VIPR2: variants seen among roughly 807,000 people sequenced by gnomAD.
VIPR2 encodes vasoactive intestinal polypeptide receptor 2.
In VIPR2, 48 loss-of-function variants were observed where a neutral mutation model predicts 58.0. That is an observed-to-expected ratio of 0.83 (90% CI 0.66 to 1.05). VIPR2 has a LOEUF of 1.05. Among genes scored for constraint, VIPR2 ranks in the 50% least tolerant of loss-of-function variants. The pLI, the probability that VIPR2 is intolerant of heterozygous loss-of-function variation, is 0.00. For missense variants in VIPR2, 534 were observed against 558.0 expected (o/e 0.96, Z 0.43); for synonymous variants, 243 against 235.2 (o/e 1.03, Z -0.30).
intron 6 of VIPR2, 143 bp from the exon 7 acceptor site, chr7:159,037,045 T>A: frequency 3.0e-6 from 3 of 1,011,982 alleles, no homozygotes; most frequent in Non-Finnish European, 4.3e-6. Flanking sequence ...GGAAAGTGAT[T>A]AACACAGAGG....
Position 159,135,247 on chromosome 7 carries a change from A to G in VIPR2, c.151+7199T>C, listed in dbSNP as rs1330625354. On this transcript the variant is annotated intron_variant, in intron 2 of 12. Transcript: ENST00000262178. Reference sequence around the variant, plus strand: ...GGAGTTCAAGACCAGCCTGGCCAACATAGTGAAACCCTGTCTCTACCAAAA... The same window carrying G: ...GGAGTTCAAGACCAGCCTGGCCAACGTAGTGAAACCCTGTCTCTACCAAAA... Among the ~76,000 whole-genome samples, 4 of 151,654 alleles carry G rather than the reference A, an allele frequency of 2.6e-5. No individual in the cohort carries two copies. In the East Asian group the frequency reaches 5.9e-4, roughly 22 times the overall value.
chr7:159,058,351 C>T (rs1351334444), intron 5 of VIPR2, 130 bp downstream of exon 5: 3 of 709,512 alleles, frequency 4.2e-6, no homozygotes, highest in Non-Finnish European at 7.5e-6. Context: ...TATTTAATGG[C>T]AGCATTCTCC....
intron 2 of VIPR2, chr7:159,117,084 G>A: frequency 2.0e-6 from 1 of 501,670 alleles, no homozygotes; most frequent in Non-Finnish European, 3.5e-6. Flanking sequence ...AAGAAGGCGA[G>A]AGCCCCTGTC....
rs79432442 is a variant in VIPR2 at position 159,083,664 on chromosome 7, C to T, written c.357+20093G>A. Among the ~76,000 whole-genome samples, 925 of 152,334 alleles carry T rather than the reference C, an allele frequency of 6.1e-3. 10 individuals carry two copies. Among genetic ancestry groups the T allele is most frequent in the Middle Eastern group, 0.031 (9 of 294 alleles). On this transcript the variant is annotated intron_variant, in intron 4 of 12. Coordinates refer to ENST00000262178, the MANE Select transcript of VIPR2 (RefSeq NM_003382.5). ...GCAATCATGCACAGCCCCGTTCTCT[C>T]GAGAGAGGCCAGGTCTGGTGGACAC...
Position 159,103,906 on chromosome 7 carries a change from T to C in VIPR2, c.260-52A>G, listed in dbSNP as rs753242727. The stretch of plus-strand genomic sequence containing the variant: ...TCTGCAAGTCCATGAAAACTGGCCT[T>C]AGAAGGGACCTTAGTCCGTGCTGAG... On this transcript the variant is annotated intron_variant, in intron 3 of 12. Coordinates refer to ENST00000262178, the MANE Select transcript of VIPR2 (RefSeq NM_003382.5). 2.0e-6 allele frequency: 3 copies of C among 1,506,256 alleles called. No homozygotes were observed. In the South Asian group the frequency reaches 3.4e-5, roughly 17 times the overall value. 93.3% of individuals were successfully genotyped at this position (1,506,256 alleles called of 1,614,324 possible).
rs752596589 is a variant in VIPR2, at chr7:159,030,817, C to A, written c.1144-28G>T. ...GGGAGGTGAGGGCAGCGGGAACGCCCGTGAGCCTGGGCAGGTGCGGGCGGC... is the reference window on the plus strand; with the variant it reads ...GGGAGGTGAGGGCAGCGGGAACGCCAGTGAGCCTGGGCAGGTGCGGGCGGC... On this transcript the variant is annotated intron_variant, in intron 12 of 12. Transcript: ENST00000262178. 93 of 1,531,594 alleles carry A rather than the reference C, an allele frequency of 6.1e-5. 2 individuals carry two copies. The Middle Eastern group carries it at 6.8e-4, about 11-fold the overall frequency. 94.9% of individuals were successfully genotyped at this position (1,531,594 alleles called of 1,614,324 possible).
intron 2 of VIPR2, among the ~76,000 whole-genome samples, chr7:159,142,062 A>G (rs1797494275): frequency 6.6e-6 from 1 of 152,238 alleles, no homozygotes; most frequent in African/African-American, 2.4e-5. Context: ...ATCCTTAACC[A>G]GATCAAAATC....
intron 5 of VIPR2, among the ~76,000 whole-genome samples, chr7:159,045,545 A>AC (rs978911518): frequency 6.6e-6 from 1 of 151,990 alleles, no homozygotes; most frequent in Non-Finnish European, 1.5e-5. Context: ...ATACAGCTGG[A>AC]CCCCTACCTC....
In VIPR2 at chr7:159,144,824, T is replaced by C; in HGVS notation, c.-53A>G. The C allele has an allele frequency of 8.1e-7, 1 of 1,228,470 alleles. No individual in the cohort carries two copies. Among genetic ancestry groups the C allele is most frequent in the African/African-American group, 1.6e-5 (1 of 64,066 alleles). 76.1% of individuals were successfully genotyped at this position (1,228,470 alleles called of 1,614,324 possible). A position where few individuals can be genotyped will look rare whatever the true frequency, so the allele number is the denominator to read the frequency against. ...CAGCGCCCGCCGCCTCCGTCCTAGGTCCCCGCGGTTCCGCCGCCTCCAGCA... is the reference window on the plus strand; with the variant it reads ...CAGCGCCCGCCGCCTCCGTCCTAGGCCCCCGCGGTTCCGCCGCCTCCAGCA... On this transcript the variant is annotated 5_prime_UTR_variant, in exon 1 of 13. Transcript: ENST00000262178.
In VIPR2 at chr7:159,096,982, G is replaced by A. The variant is rs1276216850; in HGVS notation, c.357+6775C>T. On this transcript the variant is annotated intron_variant, in intron 4 of 12. Coordinates refer to ENST00000262178, the MANE Select transcript of VIPR2 (RefSeq NM_003382.5). This position sits in a 1 kb window ranked among gnomAD's most constrained non-coding sequence, Gnocchi z 5.5. Reference sequence around the variant, plus strand: ...CTGCTGGGCCTGAGGACCATGAGGGGAGGCTTCCTTCAGAAAAGCTGCTGC... The same window carrying A: ...CTGCTGGGCCTGAGGACCATGAGGGAAGGCTTCCTTCAGAAAAGCTGCTGC... 1 of 1,550,628 alleles carries A rather than the reference G, an allele frequency of 6.4e-7. No homozygotes were observed. The highest frequency in any genetic ancestry group is 1.2e-5 in the South Asian group (1 of 84,064).
intron 2 of VIPR2, among the ~76,000 whole-genome samples, chr7:159,142,188 T>A (rs758653254): frequency 6.6e-6 from 1 of 152,236 alleles, no homozygotes; most frequent in Non-Finnish European, 1.5e-5. Flanking sequence ...TTTTAGTAAC[T>A]GTTGCTATCA....
intron 4 of VIPR2, among the ~76,000 whole-genome samples, chr7:159,062,626 A>T (rs1310780485): frequency 6.6e-6 from 1 of 152,152 alleles, no homozygotes; most frequent in Middle Eastern, 3.2e-3. Flanking sequence ...CCTAGTGAGT[A>T]TTACAGCTCA....
Position 159,096,869 on chromosome 7 carries a change from G to A in VIPR2, c.357+6888C>T, listed in dbSNP as rs1173176693. ...CTTCCGCCGTACTGTGTCCATGGCT[G>A]AGACCACCCTCTCTGTGGCCGCCTT... On this transcript the variant is annotated intron_variant, in intron 4 of 12. Coordinates refer to ENST00000262178, the MANE Select transcript of VIPR2 (RefSeq NM_003382.5). The surrounding 1 kb of genome is among the most constrained non-coding windows in gnomAD (Gnocchi z 5.5). 1.9e-6 allele frequency: 3 copies of A among 1,546,244 alleles called. No homozygotes were observed. Among genetic ancestry groups the A allele is most frequent in the Non-Finnish European group, 2.6e-6 (3 of 1,144,654 alleles).
At chr7:159,103,610 G>A (rs931868093) in intron 4 of VIPR2, 147 bp downstream of exon 4, 10 of 648,356 alleles carry the variant, frequency 1.5e-5, no homozygotes, top group African/African-American at 7.3e-5. Context: ...CAGGGACTTC[G>A]CTTAACTTGG....
rs1015835606 is a variant in VIPR2, at chr7:159,093,816, C to G, written c.357+9941G>C. 5.3e-5 allele frequency among the ~76,000 whole-genome samples: 8 copies of G among 150,932 alleles called. No individual in the cohort carries two copies. The highest frequency in any genetic ancestry group is 1.2e-4 in the Non-Finnish European group (8 of 67,994). On this transcript the variant is annotated intron_variant, in intron 4 of 12. Coordinates refer to ENST00000262178, the MANE Select transcript of VIPR2 (RefSeq NM_003382.5). This position sits in a 1 kb window ranked among gnomAD's most constrained non-coding sequence, Gnocchi z 6.7. ...ACAGGGGAGAGGCCCTGCAGCGTCC[C>G]TGGGTCCGGACATGGGAGAGGCCCC...
intron 4 of VIPR2, among the ~76,000 whole-genome samples, chr7:159,072,562 T>C (rs1399204482): frequency 1.3e-5 from 2 of 152,324 alleles, no homozygotes; most frequent in Non-Finnish European, 2.9e-5. Context: ...AAGGAAATTA[T>C]AATAACAAGA....
chr7:159,051,673 A>C (rs1265839587), intron 5 of VIPR2, among the ~76,000 whole-genome samples: 1 of 152,236 alleles, frequency 6.6e-6, no homozygotes, highest in Non-Finnish European at 1.5e-5. Flanking sequence ...AGGGAAGTAG[A>C]AAATAAAAAG....
chr7:159,029,503 C>G lies in VIPR2; in HGVS notation c.*1113G>C, dbSNP rs879226678. On this transcript the variant is annotated 3_prime_UTR_variant, in exon 13 of 13. Coordinates refer to ENST00000262178, the MANE Select transcript of VIPR2 (RefSeq NM_003382.5). The stretch of plus-strand genomic sequence containing the variant: ...AGTTTTATATGTTGTTAAAATAATT[C>G]TTATCCTAAGATTATTTTTGTTAAA... 1 of 152,272 alleles carries G rather than the reference C, an allele frequency of 6.6e-6. No homozygotes were observed. The highest frequency in any genetic ancestry group is 2.1e-4 in the South Asian group (1 of 4,834). 9.4% of individuals were successfully genotyped at this position (152,272 alleles called of 1,614,324 possible).
Position 159,030,368 on chromosome 7 carries a change from G to A in VIPR2, c.*248C>T, listed in dbSNP as rs1434390081. On this transcript the variant is annotated 3_prime_UTR_variant, in exon 13 of 13. Transcript: ENST00000262178. ...AAAAAAAAAAAAAAAAAAAAAAGTG[G>A]ATCCACTATACGGCTGAAACACATT... The A allele has an allele frequency of 7.7e-6, 3 of 390,532 alleles. No homozygotes were observed. The East Asian group carries it at 1.1e-4, about 15-fold the overall frequency. 24.2% of individuals were successfully genotyped at this position (390,532 alleles called of 1,614,324 possible).
Sources: gnomAD v4.1 joint callset for allele counts (sites outside exome capture counted in the v4.1 genomes callset) on GRCh38, gnomAD v4.1.1 for gene constraint, Gnocchi (gnomAD v3.1) non-coding constraint, MANE v1.5 for transcripts, NCBI Gene and HGNC (gene_info 2026-07-23, HGNC 2026-07-21) for gene names.